Variants in TANC1 observed in about 807,000 individuals in gnomAD.
TANC1 encodes the protein protein TANC1.
A neutral mutation model predicts 149.7 loss-of-function variants in TANC1; 77 were observed. The ratio of observed to expected loss-of-function variants is 0.51; its 90% CI spans 0.43 to 0.62. The LOEUF (loss-of-function observed/expected upper bound fraction) is 0.62, where lower values mean the gene tolerates loss of function less well. Ranked by LOEUF, TANC1 falls within the 20% of genes least tolerant of loss-of-function variation. The pLI is 0.00. For missense variants in TANC1, 1,985 were observed against 2,321.8 expected (o/e 0.85, Z 2.98); for synonymous variants, 854 against 925.0 (o/e 0.92, Z 1.39).
intron 11 of TANC1, among the ~76,000 whole-genome samples, chr2:159,173,048 G>T (rs1377581189): frequency 2.6e-5 from 4 of 152,108 alleles, no homozygotes; most frequent in African/African-American, 9.7e-5. Context: ...TGATGGTTCT[G>T]ACCACTGGTT....
At chr2:159,044,270 A>G (rs1165124368) in intron 2 of TANC1, among the ~76,000 whole-genome samples, 1 of 152,056 alleles carries the variant, frequency 6.6e-6, no homozygotes, top group Non-Finnish European at 1.5e-5. Context: ...TACCAAACCA[A>G]ACAGAACAAA....
intron 4 of TANC1, among the ~76,000 whole-genome samples, chr2:159,120,371 A>T (rs1040404872): frequency 6.6e-6 from 1 of 151,742 alleles, no homozygotes; most frequent in East Asian, 1.9e-4. Flanking sequence ...ATTTTTTTTT[A>T]ATTTTTTTTT....
chr2:159,212,739 G>GGT (rs1294763363), intron 19 of TANC1, among the ~76,000 whole-genome samples: 1 of 152,078 alleles, frequency 6.6e-6, no homozygotes, highest in Admixed American at 6.5e-5. Context: ...TGGCCAACAT[G>GGT]GTGAAACCCT....
chr2:159,112,269 C>CA (rs1336333210), intron 4 of TANC1, among the ~76,000 whole-genome samples: 1 of 152,022 alleles, frequency 6.6e-6, no homozygotes, highest in Non-Finnish European at 1.5e-5. Flanking sequence ...GTTTTTGAGA[C>CA]AGAGTCTCAC....
At chr2:159,218,045 T>C (rs952558144) in intron 20 of TANC1, among the ~76,000 whole-genome samples, 15 of 151,792 alleles carry the variant, frequency 9.9e-5, no homozygotes, top group African/African-American at 3.6e-4. Context: ...CCAGCACTGA[T>C]TCAGGCTGGG....
intron 5 of TANC1, among the ~76,000 whole-genome samples, chr2:159,139,366 A>AT (rs2051117408): frequency 6.6e-6 from 1 of 152,174 alleles, no homozygotes; most frequent in African/African-American, 2.4e-5. Flanking sequence ...TACAAAGCCC[A>AT]TTTTCATGTC....
At chr2:159,140,257 A>G (rs2051214434) in intron 5 of TANC1, among the ~76,000 whole-genome samples, 1 of 152,128 alleles carries the variant, frequency 6.6e-6, no homozygotes, top group Admixed American at 6.5e-5. Flanking sequence ...TATGATTGAA[A>G]AAAATGCATA....
rs35670582 is a variant in TANC1 at position 159,168,299 on chromosome 2, A to ATTT, written c.947-935_947-933dup. Among the ~76,000 whole-genome samples, 82 of 130,362 alleles carry ATTT rather than the reference A, an allele frequency of 6.3e-4. 4 individuals carry two copies. Among genetic ancestry groups the ATTT allele is most frequent in the African/African-American group, 1.4e-3 (46 of 33,906 alleles). The allele number at this position is 130,362 out of a possible 152,430, so 85.5% of individuals were successfully genotyped here. On this transcript the variant is annotated intron_variant, in intron 8 of 26. Coordinates refer to ENST00000263635, the MANE Select transcript of TANC1 (RefSeq NM_033394.3). ...GTATGAATGTTTGAATAGATCTTTA[A>ATTT]TTTTTTTTTTTTTTTTTTGAGACAG... is the stretch of plus-strand genomic sequence containing the variant.
At chr2:159,177,155 C>T (rs554927578) in intron 13 of TANC1, among the ~76,000 whole-genome samples, 1 of 152,206 alleles carries the variant, frequency 6.6e-6, no homozygotes, top group South Asian at 2.1e-4. Flanking sequence ...GGTGATCCAC[C>T]CACCTTGGCC....
intron 19 of TANC1, among the ~76,000 whole-genome samples, chr2:159,212,470 A>T (rs1041208996): frequency 6.6e-6 from 1 of 152,232 alleles, no homozygotes; most frequent in Non-Finnish European, 1.5e-5. Flanking sequence ...AAATCACTTC[A>T]TCCCTACCCT....
intron 2 of TANC1, among the ~76,000 whole-genome samples, chr2:159,005,164 C>A (rs534282508): frequency 6.6e-6 from 1 of 152,152 alleles, no homozygotes; most frequent in African/African-American, 2.4e-5. Flanking sequence ...CAACCTTCAG[C>A]ATGGGTGTCA....
intron 5 of TANC1, among the ~76,000 whole-genome samples, chr2:159,139,255 T>C (rs562398410): frequency 6.6e-6 from 1 of 152,082 alleles, no homozygotes; most frequent in Non-Finnish European, 1.5e-5. Context: ...GGAAACATCT[T>C]TAGGAAAAAA....
intron 24 of TANC1, 110 bp from the exon 25 acceptor site, chr2:159,227,709 T>C: frequency 8.5e-7 from 1 of 1,182,600 alleles, no homozygotes. Flanking sequence ...TTCAATGTTC[T>C]GTCGTGGGTT....
intron 16 of TANC1, among the ~76,000 whole-genome samples, chr2:159,189,918 G>A (rs1312821337): frequency 6.6e-6 from 1 of 152,188 alleles, no homozygotes; most frequent in East Asian, 1.9e-4. Flanking sequence ...AGGTGATGGA[G>A]GGTTAAGTGG....
At position 159,163,518 on chromosome 2, in the gene TANC1, A is replaced by C; in HGVS notation, c.918A>C (p.Leu306=). The change falls in exon 8 of 27, where the codon CTA becomes CTC. Residue 306 remains leucine, a synonymous_variant. Transcript: ENST00000263635. ...PVPYSQGSSS[L]IMPRPNSVAA... is the part of the protein sequence containing the mutation. ...CTTATTCTCAGGGCTCCAGCTCACT[A>C]ATAATGCCACGGCCCAACTCAGTTG... 6.2e-7 allele frequency: 1 copy of C among 1,612,886 alleles called. No individual in the cohort carries two copies. The highest frequency in any genetic ancestry group is 8.5e-7 in the Non-Finnish European group (1 of 1,179,864).
At chr2:159,106,203 T>A (rs1403480573) in intron 4 of TANC1, among the ~76,000 whole-genome samples, 1 of 152,212 alleles carries the variant, frequency 6.6e-6, no homozygotes, top group Admixed American at 6.5e-5. Context: ...CACAGGGTTG[T>A]GCAACCATCC....
At chr2:159,222,345 C>T (rs916426961) in intron 22 of TANC1, among the ~76,000 whole-genome samples, 4 of 152,150 alleles carry the variant, frequency 2.6e-5, no homozygotes, top group African/African-American at 9.7e-5. Context: ...CAACCAGTAT[C>T]CAGAACTTTT....
At chr2:159,094,309 C>T (rs533974175) in intron 3 of TANC1, among the ~76,000 whole-genome samples, 4 of 152,310 alleles carry the variant, frequency 2.6e-5, no homozygotes, top group Admixed American at 1.3e-4. Flanking sequence ...GTCCCCCACA[C>T]GTCTTTTGTA....
At chr2:159,110,064 C>T (rs1198554921) in intron 4 of TANC1, among the ~76,000 whole-genome samples, 1 of 152,152 alleles carries the variant, frequency 6.6e-6, no homozygotes, top group African/African-American at 2.4e-5. Context: ...AAGTTACTGC[C>T]ACTGTGTGTG....
Sources: allele counts gnomAD v4.1 joint callset (sites outside exome capture counted in the v4.1 genomes callset), GRCh38; gene constraint gnomAD v4.1.1; transcripts MANE v1.5; gene names NCBI Gene and HGNC (gene_info 2026-07-23, HGNC 2026-07-21).